Variants in FAR2 observed in about 807,000 individuals in gnomAD.
The protein encoded by FAR2 is epididymis secretory protein Li 81.
In FAR2, 19 loss-of-function variants were observed where a neutral mutation model predicts 56.0. That is an observed-to-expected ratio of 0.34 (90% CI 0.24 to 0.50). The LOEUF (loss-of-function observed/expected upper bound fraction) is 0.50. Ranked by LOEUF, FAR2 falls within the 20% of genes least tolerant of loss-of-function variation. FAR2 has a pLI of 0.98. For missense variants in FAR2, 508 were observed against 642.2 expected (o/e 0.79, Z 2.26); for synonymous variants, 219 against 218.8 (o/e 1.00, Z -0.01).
chr12:29,193,429 C>T (rs1215139393), intron 1 of FAR2, among the ~76,000 whole-genome samples: 1 of 152,216 alleles, frequency 6.6e-6, no homozygotes, highest in Non-Finnish European at 1.5e-5. Flanking sequence ...CCCCTAGCAA[C>T]CACTGATCAT....
rs555784217 is a variant in FAR2, at chr12:29,163,360, A to G, written c.-39+13953A>G. On this transcript the variant is annotated intron_variant, in intron 1 of 11. Transcript: ENST00000536681. ...GTTTAGTGAGTCAAGCTATTGTCAT[A>G]TGTGAGAGTTACAGCATTACAGTTG... is the stretch of plus-strand genomic sequence containing the variant. Among the ~76,000 whole-genome samples the G allele has an allele frequency of 5.5e-4, 84 of 152,348 alleles. No homozygotes were observed. In the Middle Eastern group the frequency reaches 0.01, roughly 19 times the overall value.
In FAR2 at chr12:29,307,704, A is replaced by G; in HGVS notation, c.592A>G (p.Arg198Gly). ...IIDEITPKLI[R>G]DWPNIYTYTK... ...TGACGAGATTACACCCAAGCTGATC[A>G]GAGATTGGCCCAATATTTATACCTA... is the stretch of plus-strand genomic sequence containing the variant. The change falls in exon 5 of 12, where the codon AGA (arginine) becomes GGA (glycine). Residue 198 changes from arginine (R) to glycine (G), a missense_variant. By Grantham distance (125) the Arg-to-Gly change is moderately radical. Transcript: ENST00000536681. The G allele has an allele frequency of 1.2e-6, 2 of 1,613,838 alleles. No individual in the cohort carries two copies. Among genetic ancestry groups the G allele is most frequent in the Non-Finnish European group, 1.7e-6 (2 of 1,179,844 alleles).
chr12:29,170,022 G>T (rs375655116), intron 1 of FAR2, among the ~76,000 whole-genome samples: 2 of 152,106 alleles, frequency 1.3e-5, no homozygotes, highest in Non-Finnish European at 2.9e-5. Flanking sequence ...TTGTAAGTTT[G>T]GGATTTCAAT....
At chr12:29,308,431 G>A (rs1949289214) in intron 5 of FAR2, among the ~76,000 whole-genome samples, 1 of 151,954 alleles carries the variant, frequency 6.6e-6, no homozygotes, top group Non-Finnish European at 1.5e-5. Context: ...GAGTTGATTT[G>A]ATGAGACAAT....
chr12:29,251,804 T>C (rs988076095), intron 1 of FAR2, among the ~76,000 whole-genome samples: 1 of 152,168 alleles, frequency 6.6e-6, no homozygotes, highest in African/African-American at 2.4e-5. Flanking sequence ...TCCAGAAAGC[T>C]GCACATGCTC....
At chr12:29,165,567 G>A (rs11050088) in intron 1 of FAR2, among the ~76,000 whole-genome samples, 72,445 of 152,038 alleles carry the variant, frequency 0.48, 18,505 homozygotes, top group Admixed American at 0.61. Flanking sequence ...AATGCTTTGG[G>A]TGTTGAAATA....
intron 1 of FAR2, among the ~76,000 whole-genome samples, chr12:29,237,833 A>C (rs548031828): frequency 2.0e-4 from 30 of 152,314 alleles, no homozygotes; most frequent in Middle Eastern, 3.4e-3. Context: ...TCTGAATCTG[A>C]CATCTTTCCA....
intron 1 of FAR2, among the ~76,000 whole-genome samples, chr12:29,227,542 T>C (rs1046398344): frequency 2.0e-5 from 3 of 152,222 alleles, no homozygotes; most frequent in African/African-American, 7.2e-5. Flanking sequence ...CCAGATACTC[T>C]GTAATTTACA....
At chr12:29,270,314 G>A (rs1487821552) in intron 1 of FAR2, 98 bp from the exon 2 acceptor site, 2 of 872,318 alleles carry the variant, frequency 2.3e-6, no homozygotes, top group South Asian at 2.4e-5. Context: ...ATTTTTTTCT[G>A]CATTCAAAGC....
chr12:29,291,636 A>G, intron 2 of FAR2: 1 of 340,628 alleles, frequency 2.9e-6, no homozygotes, highest in South Asian at 2.3e-5. Context: ...ACCCAGGAAT[A>G]TACATTTTAA....
At chr12:29,268,463 C>T (rs2136703847) in intron 1 of FAR2, among the ~76,000 whole-genome samples, 1 of 152,320 alleles carries the variant, frequency 6.6e-6, no homozygotes, top group South Asian at 2.1e-4. Flanking sequence ...CTACCAGATT[C>T]ATTTTTTCTC....
chr12:29,213,689 C>CAAAA lies in FAR2; in HGVS notation c.-38-56709_-38-56706dup, dbSNP rs34410137. ...TGGGTGACAGAAGGAGACTCTGTCT[C>CAAAA]AAAAAAAAAAAAAAAAAGATTAAGT... On this transcript the variant is annotated intron_variant, in intron 1 of 11. Coordinates refer to ENST00000536681, the MANE Select transcript of FAR2 (RefSeq NM_001271783.2). 2.1e-3 allele frequency among the ~76,000 whole-genome samples: 278 copies of CAAAA among 130,688 alleles called. 2 individuals carry two copies. Among genetic ancestry groups the CAAAA allele is most frequent in the African/African-American group, 7.5e-3 (258 of 34,450 alleles). The allele number at this position is 130,688 out of a possible 152,430, so 85.7% of individuals were successfully genotyped here.
chr12:29,184,386 G>T (rs754606327), intron 1 of FAR2, among the ~76,000 whole-genome samples: 4 of 146,496 alleles, frequency 2.7e-5, no homozygotes, highest in Non-Finnish European at 6.0e-5. Context: ...TATATGGGCT[G>T]GTTCCTAAGA....
intron 1 of FAR2, among the ~76,000 whole-genome samples, chr12:29,260,113 T>A (rs1193582114): frequency 1.3e-5 from 2 of 152,200 alleles, no homozygotes; most frequent in Admixed American, 6.5e-5. Flanking sequence ...ATATTATGAG[T>A]TAACAATTCC....
At chr12:29,200,454 A>C (rs1348758385) in intron 1 of FAR2, among the ~76,000 whole-genome samples, 1 of 152,206 alleles carries the variant, frequency 6.6e-6, no homozygotes, top group Non-Finnish European at 1.5e-5. Flanking sequence ...GGGATCTGAA[A>C]GTATTCGACA....
chr12:29,235,753 T>C (rs1040761440), intron 1 of FAR2, among the ~76,000 whole-genome samples: 3 of 152,086 alleles, frequency 2.0e-5, no homozygotes, highest in Non-Finnish European at 4.4e-5. Flanking sequence ...TGCCCAGCTC[T>C]GGGGAAAAAA....
chr12:29,274,936 C>A (rs1012213422), intron 2 of FAR2, among the ~76,000 whole-genome samples: 1 of 148,996 alleles, frequency 6.7e-6, no homozygotes, highest in Admixed American at 6.7e-5. Flanking sequence ...TTGGTGGTCT[C>A]CTCAAATGGA....
At chr12:29,217,753 A>G (rs984563606) in intron 1 of FAR2, among the ~76,000 whole-genome samples, 4 of 152,220 alleles carry the variant, frequency 2.6e-5, no homozygotes, top group African/African-American at 9.6e-5. Flanking sequence ...TTAAAATACA[A>G]TGTTCCAGCA....
intron 9 of FAR2, among the ~76,000 whole-genome samples, chr12:29,320,708 A>G (rs1213285520): frequency 2.0e-5 from 3 of 152,228 alleles, no homozygotes; most frequent in African/African-American, 2.4e-5. Context: ...TGTAAAATGG[A>G]GATACATAAT....
Sources: gnomAD v4.1 joint callset for allele counts (sites outside exome capture counted in the v4.1 genomes callset) on GRCh38, gnomAD v4.1.1 for gene constraint, MANE v1.5 for transcripts, NCBI Gene and HGNC (gene_info 2026-07-23, HGNC 2026-07-21) for gene names.